The following DGKB variants were observed in gnomAD, a reference collection of about 807,000 sequenced individuals.
DGKB encodes 90 kDa diacylglycerol kinase.
In DGKB, 67 loss-of-function variants were observed where a neutral mutation model predicts 114.3. The observed-to-expected ratio is 0.59, with a 90% CI of 0.48 to 0.72. The LOEUF is 0.72. DGKB is among the 30% of genes least tolerant of loss of function. The pLI, the probability that DGKB is intolerant of heterozygous loss-of-function variation, is 0.00. For missense variants in DGKB, 907 were observed against 975.2 expected (o/e 0.93, Z 0.93); for synonymous variants, 398 against 323.1 (o/e 1.23, Z -2.49).
intron 21 of DGKB, among the ~76,000 whole-genome samples, chr7:14,398,702 A>G (rs1393053715): frequency 6.6e-6 from 1 of 151,848 alleles, no homozygotes; most frequent in African/African-American, 2.4e-5. Flanking sequence ...CATCAAGGGG[A>G]TGGAATCAGA....
chr7:14,582,628 T>C (rs1563582452), intron 18 of DGKB, among the ~76,000 whole-genome samples: 1 of 152,212 alleles, frequency 6.6e-6, no homozygotes, highest in South Asian at 2.1e-4. Flanking sequence ...ATGATGATGA[T>C]GATGATGGAT....
chr7:14,230,613 C>T (rs1452067368), intron 23 of DGKB, among the ~76,000 whole-genome samples: 1 of 151,974 alleles, frequency 6.6e-6, no homozygotes, highest in Non-Finnish European at 1.5e-5. Flanking sequence ...TGTAACATTG[C>T]CACATTTTAT....
chr7:14,257,812 C>T (rs946055120), intron 23 of DGKB, among the ~76,000 whole-genome samples: 8 of 152,100 alleles, frequency 5.3e-5, no homozygotes, highest in African/African-American at 1.4e-4. Context: ...CTGCAACCTC[C>T]GCCTCCCGGG....
chr7:14,435,837 A>G (rs769235333), intron 21 of DGKB, among the ~76,000 whole-genome samples: 1 of 152,122 alleles, frequency 6.6e-6, no homozygotes, highest in East Asian at 1.9e-4. Context: ...TTACAAAACT[A>G]TTTTTGGAAA....
chr7:14,272,991 G>A (rs1798485406), intron 23 of DGKB, among the ~76,000 whole-genome samples: 1 of 152,158 alleles, frequency 6.6e-6, no homozygotes, highest in African/African-American at 2.4e-5. Context: ...CCCGGACCAG[G>A]AAATGAAGAC....
At chr7:14,958,360 C>T (rs1786634927) in intron 1 of DGKB, among the ~76,000 whole-genome samples, 1 of 150,178 alleles carries the variant, frequency 6.7e-6, no homozygotes, top group African/African-American at 2.4e-5. Context: ...AGATGTCAGA[C>T]AGTGAATGTG....
At chr7:14,344,770 T>G (rs945541946) in intron 22 of DGKB, among the ~76,000 whole-genome samples, 1 of 151,524 alleles carries the variant, frequency 6.6e-6, no homozygotes, top group African/African-American at 2.4e-5. Context: ...TCTTGCTATC[T>G]TTGCTCTCTT....
intron 1 of DGKB, among the ~76,000 whole-genome samples, chr7:14,911,356 A>G (rs1023859165): frequency 3.3e-5 from 5 of 152,112 alleles, no homozygotes; most frequent in African/African-American, 7.2e-5. Context: ...GTGTTGGAGT[A>G]TAAGTGTTTC....
At chr7:14,374,607 C>T (rs182538941) in intron 21 of DGKB, among the ~76,000 whole-genome samples, 1 of 152,292 alleles carries the variant, frequency 6.6e-6, no homozygotes, top group East Asian at 1.9e-4. Context: ...TTAAATCCTA[C>T]ATGATCTAAA....
At chr7:14,784,373 T>TC (rs1248664685) in intron 2 of DGKB, among the ~76,000 whole-genome samples, 1 of 150,102 alleles carries the variant, frequency 6.7e-6, no homozygotes, top group East Asian at 1.9e-4. Context: ...TATGCTTTTT[T>TC]TTTTTTTTTT....
At chr7:14,233,002 C>G (rs899345219) in intron 23 of DGKB, among the ~76,000 whole-genome samples, 1 of 152,012 alleles carries the variant, frequency 6.6e-6, no homozygotes, top group African/African-American at 2.4e-5. Context: ...TCTGAAATAG[C>G]ATTTTGTTTT....
chr7:14,353,711 T>A (rs1000452200), intron 21 of DGKB, among the ~76,000 whole-genome samples: 4 of 152,180 alleles, frequency 2.6e-5, no homozygotes, highest in African/African-American at 9.7e-5. Context: ...TATTGAGATA[T>A]TAGAAAACCT....
intron 20 of DGKB, among the ~76,000 whole-genome samples, chr7:14,541,077 G>C (rs571523167): frequency 6.6e-6 from 1 of 151,856 alleles, no homozygotes; most frequent in Non-Finnish European, 1.5e-5. Flanking sequence ...GACACCTTGA[G>C]AAACACTGCA....
intron 6 of DGKB, among the ~76,000 whole-genome samples, chr7:14,705,336 G>A (rs1383004323): frequency 1.8e-4 from 26 of 148,138 alleles, no homozygotes; most frequent in African/African-American, 3.7e-4. Flanking sequence ...CCAAATCTAC[G>A]TCTGATTGGT....
chr7:14,753,235 T>C (rs1723230), intron 4 of DGKB, among the ~76,000 whole-genome samples: 54,125 of 152,086 alleles, frequency 0.36, 13,308 homozygotes, highest in African/African-American at 0.69. Flanking sequence ...CGGTTTTAGA[T>C]AACTCATACA....
chr7:14,560,244 A>T (rs1327303620), intron 20 of DGKB, among the ~76,000 whole-genome samples: 1 of 152,102 alleles, frequency 6.6e-6, no homozygotes, highest in Non-Finnish European at 1.5e-5. Flanking sequence ...TACCTTCTTA[A>T]CAAAGTATAA....
chr7:14,233,307 T>C (rs1430019045), intron 23 of DGKB, among the ~76,000 whole-genome samples: 1 of 152,074 alleles, frequency 6.6e-6, no homozygotes, highest in Non-Finnish European at 1.5e-5. Flanking sequence ...CTGAAGCAAC[T>C]CTGACTGAAG....
At chr7:14,558,510 GA>G (rs142765496) in intron 20 of DGKB, among the ~76,000 whole-genome samples, 23,321 of 151,952 alleles carry the variant, frequency 0.15, 2,209 homozygotes, top group East Asian at 0.32. Context: ...TGAATTATAT[GA>G]GATCAATTTG....
At chr7:14,651,301 T>A (rs1401675738) in intron 13 of DGKB, among the ~76,000 whole-genome samples, 1 of 152,038 alleles carries the variant, frequency 6.6e-6, no homozygotes, top group Non-Finnish European at 1.5e-5. Flanking sequence ...TTATCCACCA[T>A]GATCAAGTGG....
Sources: allele counts gnomAD v4.1 joint callset (sites outside exome capture counted in the v4.1 genomes callset), GRCh38; gene constraint gnomAD v4.1.1; transcripts MANE v1.5; gene names NCBI Gene and HGNC (gene_info 2026-07-23, HGNC 2026-07-21).